The following CNNM1 variants were observed in gnomAD, a reference collection of about 807,000 sequenced individuals.
CNNM1 encodes cyclin and CBS domain divalent metal cation transport mediator 1.
CNNM1 carries 44 observed loss-of-function variants against 78.8 expected under a neutral mutation model. That is an observed-to-expected ratio of 0.56 (90% CI 0.44 to 0.72). The LOEUF (loss-of-function observed/expected upper bound fraction) is 0.72, where lower values mean the gene tolerates loss of function less well. CNNM1 is among the 30% of genes least tolerant of loss of function. The pLI, the probability that CNNM1 is intolerant of heterozygous loss-of-function variation, is 0.00. For missense variants in CNNM1, 1,101 were observed against 1,292.2 expected (o/e 0.85, Z 2.27); for synonymous variants, 584 against 581.5 (o/e 1.00, Z -0.06).
At chr10:99,380,864 G>A (rs1341513946) in intron 7 of CNNM1, among the ~76,000 whole-genome samples, 1 of 151,780 alleles carries the variant, frequency 6.6e-6, no homozygotes, top group African/African-American at 2.4e-5. Flanking sequence ...CATAAGGAAA[G>A]GGAACATTCT....
At chr10:99,361,121 C>G (rs943533088) in intron 3 of CNNM1, 146 bp downstream of exon 3, 38 of 837,518 alleles carry the variant, frequency 4.5e-5, no homozygotes, top group Non-Finnish European at 6.4e-5. Context: ...TTGCCTTAGA[C>G]AGGGTAATGG....
In CNNM1 at chr10:99,364,431, G is replaced by A. The variant is rs2031543938; in HGVS notation, c.2043G>A (p.Val681=). ...TTTTTTTCCAGGGTAAAGTGGAGGTGGAGGTTGGTAAGGAAGGCCTTCGCT... is the reference window on the plus strand; with the variant it reads ...TTTTTTTCCAGGGTAAAGTGGAGGTAGAGGTTGGTAAGGAAGGCCTTCGCT... ...FVLLLQGKVE[V]EVGKEGLRFE... is the part of the protein sequence containing the mutation. Residue 681 remains valine (V), a synonymous_variant, in exon 5 of 11, where the codon GTG becomes GTA. Coordinates refer to ENST00000356713, the MANE Select transcript of CNNM1 (RefSeq NM_020348.3). The A allele has an allele frequency of 6.2e-7, 1 of 1,611,340 alleles. No individual in the cohort carries two copies. Among genetic ancestry groups the A allele is most frequent in the Non-Finnish European group, 8.5e-7 (1 of 1,178,742 alleles).
intron 1 of CNNM1, among the ~76,000 whole-genome samples, chr10:99,357,032 G>A (rs1382661345): frequency 2.0e-5 from 3 of 151,994 alleles, no homozygotes; most frequent in Non-Finnish European, 2.9e-5. Context: ...CAAAGGCCAT[G>A]TTTTAAAATC....
At chr10:99,351,530 AG>A (rs1158553946) in intron 1 of CNNM1, among the ~76,000 whole-genome samples, 1 of 152,174 alleles carries the variant, frequency 6.6e-6, no homozygotes, top group African/African-American at 2.4e-5. Flanking sequence ...GACCCAGTTT[AG>A]GAGTTGTAAA....
intron 1 of CNNM1, among the ~76,000 whole-genome samples, chr10:99,336,385 A>G (rs765951369): frequency 1.3e-5 from 2 of 152,216 alleles, no homozygotes; most frequent in Admixed American, 1.3e-4. Flanking sequence ...GTAGTACACT[A>G]TATCCTCTAG....
At chr10:99,375,662 T>G (rs1258370661) in intron 6 of CNNM1, among the ~76,000 whole-genome samples, 1 of 152,234 alleles carries the variant, frequency 6.6e-6, no homozygotes, top group Non-Finnish European at 1.5e-5. Flanking sequence ...CATGACTCAT[T>G]CTAAATAGAG....
At chr10:99,391,111 G>C (rs865879514) in intron 10 of CNNM1, among the ~76,000 whole-genome samples, 31 of 152,354 alleles carry the variant, frequency 2.0e-4, no homozygotes, top group African/African-American at 7.5e-4. Flanking sequence ...CAGTCAGAGG[G>C]GCTGGCCCCC....
At position 99,365,206 on chromosome 10, in the gene CNNM1, TTTC is replaced by T; in HGVS notation, c.2176+206_2176+208del. 6.1e-6 allele frequency: 4 copies of T among 660,380 alleles called. No individual in the cohort carries two copies. The South Asian group carries it at 6.5e-5, about 11-fold the overall frequency. The allele number at this position is 660,380 out of a possible 1,614,324, so 40.9% of individuals were successfully genotyped here. On this transcript the variant is annotated intron_variant, in intron 6 of 10. Transcript: ENST00000356713. Reference sequence around the variant, plus strand: ...CTTAGGTTCTGTGTGTCTGGAATGTTTTCTGCTGCTTCTCTGCTCACATGGTTG... The same window carrying T: ...CTTAGGTTCTGTGTGTCTGGAATGTTTGCTGCTTCTCTGCTCACATGGTTG...
chr10:99,388,367 C>G (rs1046805954), intron 9 of CNNM1, 66 bp downstream of exon 9: 1 of 1,547,468 alleles, frequency 6.5e-7, no homozygotes, highest in Non-Finnish European at 8.7e-7. Context: ...TGGGATGGCC[C>G]AGGGAAAGCT....
chr10:99,368,286 G>T (rs2134058737), intron 6 of CNNM1: 1 of 254,780 alleles, frequency 3.9e-6, no homozygotes, highest in Non-Finnish European at 7.9e-6. Context: ...CAGCATGTTT[G>T]CTGGCTCAAA....
At chr10:99,388,120 CAG>C (rs1298695751) in intron 8 of CNNM1, 30 bp from the exon 9 acceptor site, 1 of 1,612,460 alleles carries the variant, frequency 6.2e-7, no homozygotes, top group Non-Finnish European at 8.5e-7. Context: ...TTCTCCAAAG[CAG>C]AGAGGTGATG....
At chr10:99,378,803 G>A (rs1488841940) in intron 7 of CNNM1, among the ~76,000 whole-genome samples, 1 of 152,166 alleles carries the variant, frequency 6.6e-6, no homozygotes, top group East Asian at 1.9e-4. Context: ...AAGCTTCAAA[G>A]TTGGGTCTTT....
chr10:99,390,523 T>A, intron 10 of CNNM1, 116 bp downstream of exon 10: 1 of 732,108 alleles, frequency 1.4e-6, no homozygotes, highest in East Asian at 2.8e-5. Context: ...GAAACCCTAA[T>A]GAGGTACAAT....
chr10:99,360,907 C>T lies in CNNM1; in HGVS notation c.1790C>T (p.Ser597Leu), dbSNP rs567064354. The change falls in exon 3 of 11, where the codon TCG becomes TTG. Residue 597 changes from serine (S) to leucine (L), a missense_variant. Physicochemically the swap from Ser to Leu is moderately radical, Grantham distance 145 (BLOSUM62 -2). This residue lies in a region of CNNM1 where 277 missense variants were observed against 423.2 expected (regional missense o/e 0.65). Transcript: ENST00000356713. ...KRHDFSLFKL[S>L]DTEMRVKISP... Reference sequence around the variant, plus strand: ...CATGACTTCTCCTTGTTTAAGCTTTCGGACACGGAGATGCGGGTGAAGATC... The same window carrying T: ...CATGACTTCTCCTTGTTTAAGCTTTTGGACACGGAGATGCGGGTGAAGATC... The T allele has an allele frequency of 9.9e-6, 16 of 1,613,120 alleles. No homozygotes were observed. Among genetic ancestry groups the T allele is most frequent in the East Asian group, 8.9e-5 (4 of 44,862 alleles).
intron 2 of CNNM1, among the ~76,000 whole-genome samples, chr10:99,359,693 C>A (rs891646461): frequency 6.6e-6 from 1 of 152,112 alleles, no homozygotes; most frequent in Non-Finnish European, 1.5e-5. Context: ...GATTCTGGGG[C>A]CTTATTTTCC....
intron 7 of CNNM1, among the ~76,000 whole-genome samples, chr10:99,382,305 T>G (rs531863276): frequency 2.6e-5 from 4 of 152,240 alleles, no homozygotes; most frequent in Non-Finnish European, 4.4e-5. Context: ...TCTTATGAAG[T>G]AAGTTTTTTG....
At position 99,389,973 on chromosome 10, in the gene CNNM1, G is replaced by A. The variant is rs754166659; in HGVS notation, c.2675-333G>A. 1.2e-4 allele frequency among the ~76,000 whole-genome samples: 18 copies of A among 152,264 alleles called. No individual in the cohort carries two copies. In the South Asian group the frequency reaches 3.5e-3, roughly 30 times the overall value. On this transcript the variant is annotated intron_variant, in intron 9 of 10. Coordinates refer to ENST00000356713, the MANE Select transcript of CNNM1 (RefSeq NM_020348.3). ...TATCCTCACGTGTGCTTTTAGTCTG[G>A]CAAATAGACTGGGTGGAGAACACAT...
Position 99,391,581 on chromosome 10 carries a change from C to T in CNNM1, c.*65C>T. 1 of 1,367,034 alleles carries T rather than the reference C, an allele frequency of 7.3e-7. No homozygotes were observed. The highest frequency in any genetic ancestry group is 1.0e-6 in the Non-Finnish European group (1 of 966,068). The allele number at this position is 1,367,034 out of a possible 1,614,324, so 84.7% of individuals were successfully genotyped here. A position where few individuals can be genotyped will look rare whatever the true frequency, so the allele number is the denominator to read the frequency against. ...GAGCTTTGGGGGAGAATCCACCCTC[C>T]CATCATCTGCTTCCCCCAAGGCCTC... On this transcript the variant is annotated 3_prime_UTR_variant, in exon 11 of 11. Transcript: ENST00000356713.
In CNNM1 at chr10:99,329,776, C is replaced by A; in HGVS notation, c.389C>A (p.Pro130Gln). The change falls in exon 1 of 11, where the codon CCG (proline) becomes CAG (glutamine). Residue 130 changes from proline to glutamine, a missense_variant. By Grantham distance (76) the Pro-to-Gln change is moderately conservative (BLOSUM62 -1). Around this residue, in one of 3 missense-constraint regions of CNNM1, gnomAD observed 476 missense variants for 484.5 expected, o/e 0.98. Coordinates refer to ENST00000356713, the MANE Select transcript of CNNM1 (RefSeq NM_020348.3). ...PSAVPTRPPG[P>Q]QRCREQSDWA... ...GCGGTCCCCACTCGCCCCCCGGGAC[C>A]GCAGCGCTGCAGGGAGCAGAGCGAC... 5 of 1,493,322 alleles carry A rather than the reference C, an allele frequency of 3.3e-6. No homozygotes were observed. Among genetic ancestry groups the A allele is most frequent in the Non-Finnish European group, 4.4e-6 (5 of 1,129,402 alleles). 92.5% of individuals were successfully genotyped at this position (1,493,322 alleles called of 1,614,324 possible).
Sources: allele counts gnomAD v4.1 joint callset (sites outside exome capture counted in the v4.1 genomes callset), GRCh38; gene constraint gnomAD v4.1.1; regional missense constraint gnomAD v4.1.1; transcripts MANE v1.5; gene names NCBI Gene and HGNC (gene_info 2026-07-23, HGNC 2026-07-21).